The following MACROD2 variants were observed in gnomAD, a reference collection of about 807,000 sequenced individuals.
The protein encoded by MACROD2 is ADP-ribose glycohydrolase MACROD2.
In MACROD2, 36 loss-of-function variants were observed where a neutral mutation model predicts 70.4. The observed-to-expected ratio is 0.51, with a 90% CI of 0.39 to 0.68. The LOEUF (loss-of-function observed/expected upper bound fraction) is 0.68, where lower values mean the gene tolerates loss of function less well. Among genes scored for constraint, MACROD2 ranks in the 30% least tolerant of loss-of-function variants. The pLI is 0.00. For missense variants in MACROD2, 496 were observed against 538.4 expected (o/e 0.92, Z 0.78); for synonymous variants, 172 against 178.8 (o/e 0.96, Z 0.30).
intron 4 of MACROD2, among the ~76,000 whole-genome samples, chr20:14,560,990 G>C (rs1334419078): frequency 6.6e-6 from 1 of 151,744 alleles, no homozygotes; most frequent in Non-Finnish European, 1.5e-5. Context: ...GATAGGACAG[G>C]AGCTTTAACA....
At chr20:14,411,170 C>G (rs1022836257) in intron 3 of MACROD2, among the ~76,000 whole-genome samples, 3 of 152,120 alleles carry the variant, frequency 2.0e-5, no homozygotes, top group African/African-American at 7.2e-5. Context: ...TGTTCTTTCT[C>G]TAGTGACCAT....
rs1359958536 is a variant in MACROD2, at chr20:15,933,607, G to A, written c.838+269G>A. On this transcript the variant is annotated intron_variant, in intron 11 of 17. Transcript: ENST00000684519. The stretch of plus-strand genomic sequence containing the variant: ...GGCAAAGCTCTAAGAGGGACGGGCG[G>A]AGGTTGAAAGTGCCAAGGCAGAGCT... Among the ~76,000 whole-genome samples, 4 of 152,196 alleles carry A rather than the reference G, an allele frequency of 2.6e-5. No homozygotes were observed. The East Asian group carries it at 7.7e-4, about 29-fold the overall frequency.
chr20:15,426,495 C>T (rs1023696131), intron 6 of MACROD2, among the ~76,000 whole-genome samples: 109 of 152,198 alleles, frequency 7.2e-4, no homozygotes, highest in African/African-American at 2.5e-3. Flanking sequence ...CAGGCATGTG[C>T]CACCATGCCC....
intron 3 of MACROD2, among the ~76,000 whole-genome samples, chr20:14,179,953 A>C (rs933978095): frequency 6.6e-6 from 1 of 152,178 alleles, no homozygotes; most frequent in Non-Finnish European, 1.5e-5. Flanking sequence ...CATTTTAGCC[A>C]TTTTAAAGTG....
intron 8 of MACROD2, among the ~76,000 whole-genome samples, chr20:15,847,679 T>C (rs2064248770): frequency 6.6e-6 from 1 of 152,188 alleles, no homozygotes; most frequent in South Asian, 2.1e-4. Flanking sequence ...CTGTTGGCTG[T>C]TTTCAGAAAG....
chr20:14,297,366 C>T (rs1176581717), intron 3 of MACROD2, among the ~76,000 whole-genome samples: 1 of 151,960 alleles, frequency 6.6e-6, no homozygotes, highest in Non-Finnish European at 1.5e-5. Flanking sequence ...GAAAGTGAGG[C>T]CTCTTGTGCC....
At chr20:15,075,533 G>A (rs1183009052) in intron 5 of MACROD2, among the ~76,000 whole-genome samples, 1 of 152,106 alleles carries the variant, frequency 6.6e-6, no homozygotes, top group Non-Finnish European at 1.5e-5. Flanking sequence ...ATTCTCTGAG[G>A]GGTGTAAGCA....
intron 4 of MACROD2, among the ~76,000 whole-genome samples, chr20:14,572,886 T>G (rs1034222393): frequency 6.7e-6 from 1 of 150,322 alleles, no homozygotes; most frequent in East Asian, 1.9e-4. Context: ...ATATTAAATA[T>G]TAAAGATATT....
chr20:15,192,665 T>C (rs1350437128), intron 5 of MACROD2, among the ~76,000 whole-genome samples: 1 of 152,170 alleles, frequency 6.6e-6, no homozygotes, highest in Non-Finnish European at 1.5e-5. Flanking sequence ...ACTCTGTCTG[T>C]ATCTCACTCC....
chr20:14,907,634 A>G (rs2073974816), intron 5 of MACROD2, among the ~76,000 whole-genome samples: 1 of 152,170 alleles, frequency 6.6e-6, no homozygotes, highest in Non-Finnish European at 1.5e-5. Flanking sequence ...GCCCAGGCAT[A>G]AGGAATAGAA....
intron 5 of MACROD2, among the ~76,000 whole-genome samples, chr20:14,996,201 G>C (rs924794054): frequency 6.6e-6 from 1 of 152,154 alleles, no homozygotes; most frequent in Non-Finnish European, 1.5e-5. Context: ...TATAAGTAGG[G>C]GGTCTCACGG....
At chr20:14,028,086 T>A (rs925924531) in intron 2 of MACROD2, among the ~76,000 whole-genome samples, 7 of 152,232 alleles carry the variant, frequency 4.6e-5, no homozygotes, top group African/African-American at 1.2e-4. Context: ...CTGGGGCTGA[T>A]GCCTTTCTTT....
chr20:14,825,294 A>G (rs2072889100), intron 5 of MACROD2, among the ~76,000 whole-genome samples: 1 of 152,068 alleles, frequency 6.6e-6, no homozygotes, highest in Non-Finnish European at 1.5e-5. Flanking sequence ...CAGTGAAGCA[A>G]GACAAGAAAC....
chr20:14,551,898 A>G (rs572920103), intron 4 of MACROD2, among the ~76,000 whole-genome samples: 94 of 152,258 alleles, frequency 6.2e-4, no homozygotes, highest in African/African-American at 2.1e-3. Flanking sequence ...CTGTATGTGC[A>G]TGAATATGTC....
At chr20:14,437,234 G>A (rs1332592522) in intron 3 of MACROD2, among the ~76,000 whole-genome samples, 2 of 152,066 alleles carry the variant, frequency 1.3e-5, no homozygotes, top group African/African-American at 4.8e-5. Flanking sequence ...CTTTTTTTGA[G>A]TGGATGTCAT....
At chr20:15,271,361 A>G (rs1164639659) in intron 6 of MACROD2, among the ~76,000 whole-genome samples, 1 of 152,218 alleles carries the variant, frequency 6.6e-6, no homozygotes, top group Non-Finnish European at 1.5e-5. Context: ...ATTACCTTCC[A>G]GAGGCCCTAC....
intron 8 of MACROD2, among the ~76,000 whole-genome samples, chr20:15,800,305 T>A (rs1054643984): frequency 4.7e-5 from 7 of 149,496 alleles, no homozygotes; most frequent in African/African-American, 1.3e-4. Context: ...CCCATTTGCC[T>A]ATTTTTTTGT....
chr20:14,668,951 A>G (rs1344509694), intron 4 of MACROD2, among the ~76,000 whole-genome samples: 7 of 152,164 alleles, frequency 4.6e-5, no homozygotes, highest in Non-Finnish European at 7.4e-5. Flanking sequence ...GAAGAAAATA[A>G]TTAGGTCTTT....
At chr20:15,009,499 T>C (rs1157401915) in intron 5 of MACROD2, among the ~76,000 whole-genome samples, 1 of 152,192 alleles carries the variant, frequency 6.6e-6, no homozygotes, top group East Asian at 1.9e-4. Context: ...CTTGATCTTC[T>C]GAACTCAGAG....
Sources: allele counts gnomAD v4.1 joint callset (sites outside exome capture counted in the v4.1 genomes callset), GRCh38; gene constraint gnomAD v4.1.1; transcripts MANE v1.5; gene names NCBI Gene and HGNC (gene_info 2026-07-23, HGNC 2026-07-21).